SMIM7: variants seen among roughly 807,000 people sequenced by gnomAD.
SMIM7 encodes the protein small integral membrane protein 7, also known as UPF0608 protein C19orf42.
In SMIM7, 12 loss-of-function variants were observed where a neutral mutation model predicts 13.3. The observed-to-expected ratio is 0.90, with a 90% CI of 0.58 to 1.46. SMIM7 has a LOEUF of 1.46. SMIM7 is among the 40% of genes most tolerant of loss of function. The probability of loss-of-function intolerance (pLI) is 0.00; values close to 1 mark genes in which losing one functional copy is unlikely to be tolerated. For synonymous variants in SMIM7, 36 were observed against 35.8 expected (o/e 1.01, Z -0.02); for missense variants, 114 against 94.8 (o/e 1.20, Z -0.84).
chr19:16,643,188 C>G (rs772838457), downstream of SMIM7, among the ~76,000 whole-genome samples: 2 of 152,106 alleles, frequency 1.3e-5, no homozygotes, highest in Non-Finnish European at 2.9e-5. Flanking sequence ...GTTACAGTAT[C>G]AGGTGAGAAA....
downstream of SMIM7, among the ~76,000 whole-genome samples, chr19:16,642,911 C>A (rs953530120): frequency 6.6e-6 from 1 of 151,616 alleles, no homozygotes; most frequent in Non-Finnish European, 1.5e-5. Flanking sequence ...GCGACCTCCA[C>A]CTCCCAAGTT....
rs768972432 is a variant in SMIM7 at position 16,654,075 on chromosome 19, T to C, written c.172A>G (p.Ile58Val). 6.2e-7 allele frequency: 1 copy of C among 1,614,108 alleles called. No individual in the cohort carries two copies. Among genetic ancestry groups the C allele is most frequent in the Non-Finnish European group, 8.5e-7 (1 of 1,180,012 alleles). ...LLSLRYFRIF[I>V]ALWNIFMMFC... ...ATCATGAAGATGTTCCACAGGGCGA[T>C]GAAGATTCGAAAGTATCTGAGGCTC... Residue 58 changes from isoleucine to valine, a missense_variant, in exon 4 of 5, where the codon ATC (isoleucine) becomes GTC (valine). Coordinates refer to ENST00000487416, the MANE Select transcript of SMIM7 (RefSeq NM_024104.4).
At chr19:16,649,459 G>C (rs187244495) in intron 4 of SMIM7, among the ~76,000 whole-genome samples, 1 of 152,178 alleles carries the variant, frequency 6.6e-6, no homozygotes, top group Non-Finnish European at 1.5e-5. Context: ...TGTAACCCCA[G>C]TTACTCAGGA....
At chr19:16,659,204 G>A in intron 3 of SMIM7, 191 bp downstream of exon 3, 1 of 660,480 alleles carries the variant, frequency 1.5e-6, no homozygotes, top group Non-Finnish European at 2.7e-6. Context: ...GATCACTTTA[G>A]CTCAGGAGGT....
At chr19:16,650,224 C>T (rs994508997) in intron 4 of SMIM7, among the ~76,000 whole-genome samples, 2 of 152,208 alleles carry the variant, frequency 1.3e-5, no homozygotes, top group Admixed American at 1.3e-4. Flanking sequence ...CCACCACCTA[C>T]ATTCTGCAAT....
At chr19:16,639,879 C>T (rs940848675) in intron 4 of SMIM7, 2 of 152,086 alleles carry the variant, frequency 1.3e-5, no homozygotes, top group African/African-American at 4.8e-5. Flanking sequence ...TCTCCCCAGC[C>T]GTGCATAACT....
rs546542015 is a variant in SMIM7, at chr19:16,647,213, G to A, written c.*33C>T. On this transcript the variant is annotated 3_prime_UTR_variant, in exon 5 of 5. Coordinates refer to ENST00000487416, the MANE Select transcript of SMIM7 (RefSeq NM_024104.4). ...TGGAGGAATGGAGACTCGGCATCCC[G>A]GGAAAGTGAGTTCCTGGTTTCATCG... The A allele has an allele frequency of 1.4e-5, 23 of 1,613,820 alleles. No individual in the cohort carries two copies. Among genetic ancestry groups the A allele is most frequent in the East Asian group, 6.7e-5 (3 of 44,872 alleles).
intron 4 of SMIM7, among the ~76,000 whole-genome samples, chr19:16,635,545 C>T (rs1213523146): frequency 1.3e-5 from 2 of 151,898 alleles, no homozygotes; most frequent in Non-Finnish European, 2.9e-5. Flanking sequence ...ATGGAGCTTC[C>T]CAGAAACAAA....
At chr19:16,653,276 T>C (rs929836716) in intron 4 of SMIM7, among the ~76,000 whole-genome samples, 2 of 151,810 alleles carry the variant, frequency 1.3e-5, no homozygotes, top group South Asian at 2.1e-4. Flanking sequence ...TTCCCTCACT[T>C]ACTTATTTTG....
intron 3 of SMIM7, among the ~76,000 whole-genome samples, chr19:16,655,992 T>C (rs566489522): frequency 1.3e-3 from 201 of 152,314 alleles, no homozygotes; most frequent in African/African-American, 4.7e-3. Flanking sequence ...GCTTGGTCTG[T>C]TTCCAGGAAG....
chr19:16,660,117 G>T lies in SMIM7; in HGVS notation c.-7C>A, dbSNP rs201191626. On this transcript the variant is annotated 5_prime_UTR_variant, in exon 1 of 5. Transcript: ENST00000487416. ...GCAGGATGTCTCCGATCATCGTTACGGCCGAAGCGTCCGTCAGAACCGGAA... is the reference window on the plus strand; with the variant it reads ...GCAGGATGTCTCCGATCATCGTTACTGCCGAAGCGTCCGTCAGAACCGGAA... 2 of 1,614,014 alleles carry T rather than the reference G, an allele frequency of 1.2e-6. No individual in the cohort carries two copies. Among genetic ancestry groups the T allele is most frequent in the African/African-American group, 1.3e-5 (1 of 74,944 alleles).
At chr19:16,644,749 G>C (rs1366235658), downstream of SMIM7, 1 of 152,264 alleles carries the variant, frequency 6.6e-6, no homozygotes, top group East Asian at 1.9e-4. Flanking sequence ...TAAAAATGCT[G>C]TCATCAGCCT....
chr19:16,635,344 C>CA (rs528046014), intron 4 of SMIM7: 1 of 139,500 alleles, frequency 7.2e-6, no homozygotes, highest in East Asian at 2.1e-4. Context: ...GCCTGGGTGA[C>CA]AGAGTGAGAC....
At chr19:16,644,284 C>T (rs2086429042), downstream of SMIM7, among the ~76,000 whole-genome samples, 1 of 151,378 alleles carries the variant, frequency 6.6e-6, no homozygotes, top group Non-Finnish European at 1.5e-5. Context: ...CCACACCTGG[C>T]TAATTTTTGT....
intron 4 of SMIM7, chr19:16,634,995 G>C (rs2086348370): frequency 6.6e-6 from 1 of 151,950 alleles, no homozygotes; most frequent in Non-Finnish European, 1.5e-5. Flanking sequence ...ATGCAACCAA[G>C]TGACGTGGTC....
chr19:16,647,117 C>T lies in SMIM7; in HGVS notation c.*129G>A, dbSNP rs1053691530. ...ACACCTCGGCGAACACTTTTCCACC[C>T]ACCACGAGCTTGGACTTTCTGGGAA... On this transcript the variant is annotated 3_prime_UTR_variant, in exon 5 of 5. Coordinates refer to ENST00000487416, the MANE Select transcript of SMIM7 (RefSeq NM_024104.4). 2.5e-6 allele frequency: 3 copies of T among 1,220,378 alleles called. No individual in the cohort carries two copies. In the African/African-American group the frequency reaches 4.5e-5, roughly 18 times the overall value. 75.6% of individuals were successfully genotyped at this position (1,220,378 alleles called of 1,614,324 possible).
At chr19:16,639,897 A>G (rs2086392692) in intron 4 of SMIM7, 1 of 152,018 alleles carries the variant, frequency 6.6e-6, no homozygotes, top group Admixed American at 6.6e-5. Context: ...ACTGTGAGTC[A>G]ATTAAACCTC....
At chr19:16,653,109 G>A (rs747985902) in intron 4 of SMIM7, 4 of 949,172 alleles carry the variant, frequency 4.2e-6, no homozygotes, top group Non-Finnish European at 6.1e-6. Flanking sequence ...GAACTGGTGA[G>A]ACGTGACAGG....
At chr19:16,637,333 T>C (rs925453284) in intron 4 of SMIM7, among the ~76,000 whole-genome samples, 3 of 152,084 alleles carry the variant, frequency 2.0e-5, no homozygotes, top group Admixed American at 6.5e-5. Context: ...CTGGGCAACA[T>C]AGTGAAACCT....
Sources: gnomAD v4.1 joint callset for allele counts (sites outside exome capture counted in the v4.1 genomes callset) on GRCh38, gnomAD v4.1.1 for gene constraint, MANE v1.5 for transcripts, NCBI Gene and HGNC (gene_info 2026-07-23, HGNC 2026-07-21) for gene names.